OLFM2: variants seen among roughly 807,000 people sequenced by gnomAD.
The protein encoded by OLFM2 is noelin-2.
OLFM2 carries 20 observed loss-of-function variants against 43.9 expected under a neutral mutation model. That is an observed-to-expected ratio of 0.46 (90% CI 0.32 to 0.66). The LOEUF (loss-of-function observed/expected upper bound fraction) is 0.66. Among genes scored for constraint, OLFM2 ranks in the 30% least tolerant of loss-of-function variants. The pLI is 0.04. For missense variants in OLFM2, 416 were observed against 643.6 expected (o/e 0.65, Z 3.83); for synonymous variants, 268 against 278.6 (o/e 0.96, Z 0.38).
rs1393734829 is a variant in OLFM2 at position 9,857,068 on chromosome 19, TGA to T, written c.581-157_581-156del. The T allele has an allele frequency of 9.8e-6, 8 of 818,626 alleles. No individual in the cohort carries two copies. The African/African-American group carries it at 1.2e-4, about 12-fold the overall frequency. 50.7% of individuals were successfully genotyped at this position (818,626 alleles called of 1,614,324 possible). Reference sequence around the variant, plus strand: ...TCCCAATATGTTGTTCAGTTGTGAGTGAGGGGTTAGAGGCCAAGGGTCAGGGC... The same window carrying T: ...TCCCAATATGTTGTTCAGTTGTGAGTGGGGTTAGAGGCCAAGGGTCAGGGC... On this transcript the variant is annotated intron_variant, in intron 4 of 5. Transcript: ENST00000264833. The surrounding 1 kb of genome is among the most constrained non-coding windows in gnomAD (Gnocchi z 5.7).
chr19:9,857,283 T>G lies in OLFM2; in HGVS notation c.560A>C (p.His187Pro). 6.2e-7 allele frequency: 1 copy of G among 1,614,032 alleles called. No individual in the cohort carries two copies. The highest frequency in any genetic ancestry group is 8.5e-7 in the Non-Finnish European group (1 of 1,180,004). ...QRVMALEARLHACAQKLGCGK... is the reference protein window; with the variant it reads ...QRVMALEARLPACAQKLGCGK... Reference sequence around the variant, plus strand: ...CATACCCAGCTTCTGGGCGCAGGCGTGGAGCCGGGCCTCCAGGGCCATCAC... The same window carrying G: ...CATACCCAGCTTCTGGGCGCAGGCGGGGAGCCGGGCCTCCAGGGCCATCAC... Residue 187 changes from histidine to proline, a missense_variant, in exon 4 of 6, where the codon CAC becomes CCC. By Grantham distance (77) the His-to-Pro change is moderately conservative. Transcript: ENST00000264833. This position sits in a 1 kb window ranked among gnomAD's most constrained non-coding sequence, Gnocchi z 5.7.
chr19:9,868,603 T>A (rs964544369), intron 1 of OLFM2, among the ~76,000 whole-genome samples: 1 of 152,190 alleles, frequency 6.6e-6, no homozygotes, highest in Non-Finnish European at 1.5e-5. Context: ...TTTAAATTTA[T>A]CTTATTTTCC....
intron 1 of OLFM2, among the ~76,000 whole-genome samples, chr19:9,922,781 C>T (rs1263146143): frequency 1.3e-5 from 2 of 151,358 alleles, no homozygotes; most frequent in African/African-American, 2.4e-5. Flanking sequence ...AGTGGTGCTG[C>T]ATGCCTGTGG....
chr19:9,854,645 C>T lies in OLFM2; in HGVS notation c.906G>A (p.Arg302=). The part of the protein sequence containing the change: ...HFRSRSVLVQ[R]SLPGAGYNNT... ...TGTTGTAACCGGCGCCCGGGAGGCTCCTCTGCACCAGCACAGAGCGCGAGC... is the reference window on the plus strand; with the variant it reads ...TGTTGTAACCGGCGCCCGGGAGGCTTCTCTGCACCAGCACAGAGCGCGAGC... Residue 302 remains arginine, a synonymous_variant, in exon 6 of 6, where the codon AGG becomes AGA. Transcript: ENST00000264833. The surrounding 1 kb of genome is among the most constrained non-coding windows in gnomAD (Gnocchi z 9.5). 2 of 1,614,206 alleles carry T rather than the reference C, an allele frequency of 1.2e-6. No individual in the cohort carries two copies. Among genetic ancestry groups the T allele is most frequent in the Non-Finnish European group, 1.7e-6 (2 of 1,180,030 alleles).
At chr19:9,901,594 G>A (rs918738385) in intron 1 of OLFM2, among the ~76,000 whole-genome samples, 3 of 152,164 alleles carry the variant, frequency 2.0e-5, no homozygotes, top group Admixed American at 2.0e-4. Flanking sequence ...CCTTTGAAAA[G>A]AGCCTGAGGG....
At chr19:9,911,167 AAAC>A (rs1222499536) in intron 1 of OLFM2, among the ~76,000 whole-genome samples, 1 of 152,160 alleles carries the variant, frequency 6.6e-6, no homozygotes, top group Non-Finnish European at 1.5e-5. Context: ...ATAGATGAGA[AAAC>A]AATAGCTCAG....
chr19:9,926,706 G>T (rs1340399825), intron 1 of OLFM2, among the ~76,000 whole-genome samples: 1 of 151,386 alleles, frequency 6.6e-6, no homozygotes, highest in Non-Finnish European at 1.5e-5. Context: ...TAGGCCAAGT[G>T]CAGTGGCTCA....
At chr19:9,868,940 G>GA (rs1017224888) in intron 1 of OLFM2, among the ~76,000 whole-genome samples, 47 of 119,948 alleles carry the variant, frequency 3.9e-4, no homozygotes, top group East Asian at 1.0e-3. Context: ...TATCTCAAAA[G>GA]AAAAAAAAAA....
intron 1 of OLFM2, among the ~76,000 whole-genome samples, chr19:9,882,448 G>A (rs2046547423): frequency 6.6e-6 from 1 of 151,900 alleles, no homozygotes; most frequent in South Asian, 2.1e-4. Flanking sequence ...TGAGGCAGGA[G>A]AATGGCGTGA....
intron 1 of OLFM2, among the ~76,000 whole-genome samples, chr19:9,903,863 A>C (rs976116477): frequency 2.6e-5 from 4 of 152,178 alleles, no homozygotes; most frequent in Non-Finnish European, 5.9e-5. Context: ...TTTTGGCCTC[A>C]ATACTATCCT....
At chr19:9,928,221 A>C (rs1008528700) in intron 1 of OLFM2, among the ~76,000 whole-genome samples, 8 of 151,958 alleles carry the variant, frequency 5.3e-5, no homozygotes, top group African/African-American at 1.7e-4. Context: ...TTAAAAAAAA[A>C]AAAACAAAAT....
chr19:9,908,547 C>T (rs546475844), intron 1 of OLFM2, among the ~76,000 whole-genome samples: 2 of 140,874 alleles, frequency 1.4e-5, no homozygotes, highest in Non-Finnish European at 3.0e-5. Context: ...GATGCAATCT[C>T]GGCTCACTGC....
rs772698341 is a variant in OLFM2 at position 9,857,724 on chromosome 19, C to T, written c.351G>A (p.Lys117=). 1 of 1,614,184 alleles carries T rather than the reference C, an allele frequency of 6.2e-7. No individual in the cohort carries two copies. Among genetic ancestry groups the T allele is most frequent in the Non-Finnish European group, 8.5e-7 (1 of 1,180,036 alleles). The part of the protein sequence containing the change: ...LRAADGSLSA[K]SFQELKDRMT... ...ACACAGGAGGACCCACCTGGAAGCT[C>T]TTGGCCGAGAGGGACCCATCAGCTG... Residue 117 remains lysine (K), a synonymous_variant, in exon 3 of 6, where the codon AAG becomes AAA. Coordinates refer to ENST00000264833, the MANE Select transcript of OLFM2 (RefSeq NM_058164.4). This position sits in a 1 kb window ranked among gnomAD's most constrained non-coding sequence, Gnocchi z 5.7.
intron 1 of OLFM2, among the ~76,000 whole-genome samples, chr19:9,878,324 T>G (rs1238958116): frequency 6.6e-6 from 1 of 151,836 alleles, no homozygotes. Flanking sequence ...AGCTTCAATC[T>G]TGGCTCTGTG....
chr19:9,853,843 G>T lies in OLFM2; in HGVS notation c.*343C>A. The T allele has an allele frequency of 2.0e-6, 1 of 509,692 alleles. No homozygotes were observed. Among genetic ancestry groups the T allele is most frequent in the South Asian group, 3.6e-5 (1 of 27,566 alleles). 31.6% of individuals were successfully genotyped at this position (509,692 alleles called of 1,614,324 possible). Reference sequence around the variant, plus strand: ...GGGGTGGGAGTGAGGGATGAGGAATGGGTGGGAAGCAAGGAGGGAGGGGTG... The same window carrying T: ...GGGGTGGGAGTGAGGGATGAGGAATTGGTGGGAAGCAAGGAGGGAGGGGTG... On this transcript the variant is annotated 3_prime_UTR_variant, in exon 6 of 6. Coordinates refer to ENST00000264833, the MANE Select transcript of OLFM2 (RefSeq NM_058164.4).
intron 1 of OLFM2, among the ~76,000 whole-genome samples, chr19:9,893,526 A>AC (rs35429557): frequency 0.52 from 78,938 of 151,752 alleles, 21,070 homozygotes; most frequent in Admixed American, 0.61. Flanking sequence ...ACTTGAGTGA[A>AC]CCCCCCGTCT....
In OLFM2 at chr19:9,922,112, T is replaced by A. The variant is rs1226880464; in HGVS notation, c.63+14192A>T. Among the ~76,000 whole-genome samples the A allele has an allele frequency of 1.0e-3, 147 of 145,788 alleles. 2 individuals are homozygous for A. Among genetic ancestry groups the A allele is most frequent in the Middle Eastern group, 3.6e-3 (1 of 278 alleles). On this transcript the variant is annotated intron_variant, in intron 1 of 5. Coordinates refer to ENST00000264833, the MANE Select transcript of OLFM2 (RefSeq NM_058164.4). ...CTGTCTCAAAAAAAAAAAAAAGAAA[T>A]GAAATGAAATTAAGGAATTCTATTG...
intron 1 of OLFM2, among the ~76,000 whole-genome samples, chr19:9,910,438 G>C (rs1196312523): frequency 6.6e-6 from 1 of 152,046 alleles, no homozygotes; most frequent in Non-Finnish European, 1.5e-5. Flanking sequence ...TTGTGGAATA[G>C]GCCAGGCACT....
In OLFM2 at chr19:9,899,821, G is replaced by A. The variant is rs183027680; in HGVS notation, c.63+36483C>T. On this transcript the variant is annotated intron_variant, in intron 1 of 5. Transcript: ENST00000264833. Reference sequence around the variant, plus strand: ...TCCCACCTCAGCCTCCCAAAGTGCTGGGATTACATATATATGTGAGCCACC... The same window carrying A: ...TCCCACCTCAGCCTCCCAAAGTGCTAGGATTACATATATATGTGAGCCACC... Among the ~76,000 whole-genome samples the A allele has an allele frequency of 2.6e-5, 4 of 151,896 alleles. No individual in the cohort carries two copies. The East Asian group carries it at 5.8e-4, about 22-fold the overall frequency.
Sources: allele counts gnomAD v4.1 joint callset (sites outside exome capture counted in the v4.1 genomes callset), GRCh38; gene constraint gnomAD v4.1.1; non-coding constraint Gnocchi (gnomAD v3.1); transcripts MANE v1.5; gene names NCBI Gene and HGNC (gene_info 2026-07-23, HGNC 2026-07-21).